The following DLC1 variants were observed in gnomAD, a reference collection of about 807,000 sequenced individuals.
DLC1 encodes the protein DLC1 Rho GTPase activating protein.
Under a neutral mutation model 140.3 loss-of-function variants are expected in DLC1, and 54 were observed. That is an observed-to-expected ratio of 0.38 (90% CI 0.31 to 0.48). The LOEUF (loss-of-function observed/expected upper bound fraction) is 0.48, where lower values mean the gene tolerates loss of function less well. Among genes scored for constraint, DLC1 ranks in the 20% least tolerant of loss-of-function variants. The pLI, the probability that DLC1 is intolerant of heterozygous loss-of-function variation, is 0.96. For synonymous variants in DLC1, 986 were observed against 728.1 expected (o/e 1.35, Z -5.70); for missense variants, 2,536 against 1,907.0 (o/e 1.33, Z -6.14).
intron 4 of DLC1, among the ~76,000 whole-genome samples, chr8:13,326,703 A>G (rs191215194): frequency 7.9e-5 from 12 of 152,290 alleles, no homozygotes; most frequent in Admixed American, 7.2e-4. Context: ...GTGCATTGGA[A>G]TCATCTACCG....
chr8:13,365,925 C>A (rs1360660923), intron 4 of DLC1, among the ~76,000 whole-genome samples: 3 of 152,160 alleles, frequency 2.0e-5, no homozygotes, highest in Non-Finnish European at 2.9e-5. Flanking sequence ...GCAGGCCTGT[C>A]TGGAAAAATG....
chr8:13,470,055 C>A (rs1306661188), intron 2 of DLC1, among the ~76,000 whole-genome samples: 3 of 152,120 alleles, frequency 2.0e-5, no homozygotes, highest in Non-Finnish European at 4.4e-5. Flanking sequence ...TTGTGCTCAG[C>A]CACCCATTCA....
intron 5 of DLC1, among the ~76,000 whole-genome samples, chr8:13,254,050 G>A (rs1312271500): frequency 6.6e-6 from 1 of 152,018 alleles, no homozygotes; most frequent in East Asian, 1.9e-4. Context: ...AGGGATATAA[G>A]CAGTCTACCA....
At chr8:13,516,643 A>T (rs1802597188), upstream of DLC1, among the ~76,000 whole-genome samples, 1 of 152,242 alleles carries the variant, frequency 6.6e-6, no homozygotes, top group African/African-American at 2.4e-5. Context: ...AGTTTAGATC[A>T]AAGTCTTATT....
chr8:13,576,893 G>A lies in DLC1; in HGVS notation c.-126+27644C>T, dbSNP rs78847959. On this transcript the variant is annotated intron_variant, in intron 1 of 1. Transcript: ENST00000631382. ...CCTTTGAAGGTTAAGGCCAAGCGTG[G>A]CTGTTGAAAATGGCACTGAACAGAG... Among the ~76,000 whole-genome samples the A allele has an allele frequency of 3.0e-3, 451 of 152,316 alleles. 4 individuals are homozygous for A. Among genetic ancestry groups the A allele is most frequent in the Non-Finnish European group, 5.1e-3 (344 of 68,030 alleles).
At chr8:13,506,581 G>GTGTGTGTGTATATATATATA (rs1246764417) in intron 1 of DLC1, among the ~76,000 whole-genome samples, 157 of 130,982 alleles carry the variant, frequency 1.2e-3, no homozygotes, top group African/African-American at 4.5e-3. Flanking sequence ...GTGTGTGTGT[G>GTGTGTGTGTATATATATATA]TATATATATA....
At chr8:13,227,902 T>C (rs1828869667) in intron 5 of DLC1, among the ~76,000 whole-genome samples, 1 of 152,204 alleles carries the variant, frequency 6.6e-6, no homozygotes, top group Admixed American at 6.5e-5. Context: ...TTGGTCTGAA[T>C]ATTTTGACAT....
intron 7 of DLC1, among the ~76,000 whole-genome samples, chr8:13,110,006 T>C (rs964799914): frequency 1.3e-5 from 2 of 152,242 alleles, no homozygotes; most frequent in African/African-American, 2.4e-5. Context: ...TATAATTTTT[T>C]TCCCCCAGAA....
chr8:13,172,975 A>G (rs1825567105), intron 5 of DLC1, among the ~76,000 whole-genome samples: 1 of 152,246 alleles, frequency 6.6e-6, no homozygotes, highest in African/African-American at 2.4e-5. Context: ...ATTAGGGTGT[A>G]TAAAATGTTT....
intron 4 of DLC1, among the ~76,000 whole-genome samples, chr8:13,359,185 G>C (rs1394045919): frequency 1.3e-5 from 2 of 152,142 alleles, no homozygotes; most frequent in Admixed American, 1.3e-4. Context: ...GTGATCCAGT[G>C]CCTCGGCCTC....
chr8:13,129,715 G>A (rs1821920379), intron 5 of DLC1, among the ~76,000 whole-genome samples: 1 of 152,226 alleles, frequency 6.6e-6, no homozygotes, highest in Non-Finnish European at 1.5e-5. Context: ...GGCATGATGT[G>A]GGTCTGGATG....
intron 5 of DLC1, among the ~76,000 whole-genome samples, chr8:13,149,393 C>T (rs1280967110): frequency 6.6e-6 from 1 of 152,178 alleles, no homozygotes; most frequent in Admixed American, 6.5e-5. Flanking sequence ...AGAACTTGCT[C>T]TGAAGCAGTC....
At chr8:13,316,938 CT>C (rs35463480) in intron 4 of DLC1, among the ~76,000 whole-genome samples, 6,367 of 151,566 alleles carry the variant, frequency 0.042, 435 homozygotes, top group African/African-American at 0.14. Flanking sequence ...GAATCTATTC[CT>C]TTTTTTTTCT....
At chr8:13,135,588 T>C (rs1302048677) in intron 5 of DLC1, among the ~76,000 whole-genome samples, 1 of 152,180 alleles carries the variant, frequency 6.6e-6, no homozygotes, top group African/African-American at 2.4e-5. Context: ...GAGTGCACCT[T>C]CGAAACATAC....
chr8:13,427,582 C>T (rs1447251951), intron 2 of DLC1, among the ~76,000 whole-genome samples: 1 of 152,158 alleles, frequency 6.6e-6, no homozygotes, highest in East Asian at 1.9e-4. Context: ...CCTCCTCTAC[C>T]TCGAAATATT....
At chr8:13,579,579 T>C (rs1166337103) in intron 1 of DLC1, among the ~76,000 whole-genome samples, 43 of 129,004 alleles carry the variant, frequency 3.3e-4, no homozygotes, top group South Asian at 4.3e-4. Flanking sequence ...TTTAATATAT[T>C]ATATTTTATA....
At chr8:13,457,194 G>A (rs1799430496) in intron 2 of DLC1, among the ~76,000 whole-genome samples, 1 of 152,066 alleles carries the variant, frequency 6.6e-6, no homozygotes, top group African/African-American at 2.4e-5. Context: ...ATGAGTGTTT[G>A]ACAAATGTCT....
At position 13,120,356 on chromosome 8, in the gene DLC1, A is replaced by AAAAAAATATATATATATATAT; in HGVS notation, c.1349-4700_1349-4699insATATATATATATATATTTTTT. Among the ~76,000 whole-genome samples, 231 of 61,012 alleles carry AAAAAAATATATATATATATAT rather than the reference A, an allele frequency of 3.8e-3. 8 individuals carry two copies. The highest frequency in any genetic ancestry group is 0.011 in the East Asian group (15 of 1,374). 40.0% of individuals were successfully genotyped at this position (61,012 alleles called of 152,430 possible). A position where few individuals can be genotyped will look rare whatever the true frequency, so the allele number is the denominator to read the frequency against. ...AGACTCCGTCGCAAAAAAAAAAAAA[A>AAAAAAATATATATATATATAT]ATATATATATATATAAAATGTATAT... On this transcript the variant is annotated intron_variant, in intron 5 of 17. Coordinates refer to ENST00000276297, the MANE Select transcript of DLC1 (RefSeq NM_182643.3).
intron 1 of DLC1, chr8:13,567,375 G>A: frequency 6.4e-7 from 1 of 1,551,672 alleles, no homozygotes; most frequent in Non-Finnish European, 8.7e-7. Context: ...ATTGCACCAT[G>A]AAGATAAATT....
Sources: gnomAD v4.1 joint callset for allele counts (sites outside exome capture counted in the v4.1 genomes callset) on GRCh38, gnomAD v4.1.1 for gene constraint, MANE v1.5 for transcripts, NCBI Gene and HGNC (gene_info 2026-07-23, HGNC 2026-07-21) for gene names.